NELL1: variants seen among roughly 807,000 people sequenced by gnomAD.
NELL1 encodes protein kinase C-binding protein NELL1.
In NELL1, 76 loss-of-function variants were observed where a neutral mutation model predicts 107.4. The ratio of observed to expected loss-of-function variants is 0.71; its 90% CI spans 0.59 to 0.86. NELL1 has a LOEUF of 0.86. Ranked by LOEUF, NELL1 falls within the 40% of genes least tolerant of loss-of-function variation. NELL1 has a pLI of 0.00. For synonymous variants in NELL1, 353 were observed against 341.2 expected, an observed-to-expected ratio of 1.03 and a Z score of -0.38; for missense variants, 1,024 against 1,005.5, an observed-to-expected ratio of 1.02 and a Z score of -0.25.
At chr11:21,069,334 A>C (rs1262945433) in intron 12 of NELL1, among the ~76,000 whole-genome samples, 1 of 152,168 alleles carries the variant, frequency 6.6e-6, no homozygotes, top group Non-Finnish European at 1.5e-5. Context: ...TTGTTCTTCA[A>C]CTCTTTTGAA....
At chr11:21,258,781 A>G (rs1340744693) in intron 14 of NELL1, among the ~76,000 whole-genome samples, 5 of 152,006 alleles carry the variant, frequency 3.3e-5, no homozygotes, top group Non-Finnish European at 5.9e-5. Context: ...TAACCATCAT[A>G]CTTACACTTT....
intron 13 of NELL1, among the ~76,000 whole-genome samples, chr11:21,185,726 G>T (rs1856921846): frequency 6.6e-6 from 1 of 151,786 alleles, no homozygotes; most frequent in Non-Finnish European, 1.5e-5. Context: ...TGGGTATAAA[G>T]CTCTTAGTGC....
intron 9 of NELL1, among the ~76,000 whole-genome samples, chr11:20,931,703 A>T (rs1473937727): frequency 6.6e-6 from 1 of 152,182 alleles, no homozygotes; most frequent in Non-Finnish European, 1.5e-5. Flanking sequence ...TAATCCATTC[A>T]CATTTAATGT....
At position 21,048,864 on chromosome 11, in the gene NELL1, C is replaced by CA. The variant is rs536761651; in HGVS notation, c.1301-64724dup. 2.7e-4 allele frequency among the ~76,000 whole-genome samples: 41 copies of CA among 152,250 alleles called. No homozygotes were observed. The South Asian group carries it at 8.5e-3, about 32-fold the overall frequency. On this transcript the variant is annotated intron_variant, in intron 12 of 19. Transcript: ENST00000357134. ...CCCTTTATTGTTCCAGCTGGCAAGA[C>CA]AGAGCTCAGTGCTGCTGAGAGTCTC...
chr11:21,206,997 T>G (rs1397078427), intron 13 of NELL1, among the ~76,000 whole-genome samples: 1 of 152,184 alleles, frequency 6.6e-6, no homozygotes, highest in Non-Finnish European at 1.5e-5. Context: ...ACGTGACCAT[T>G]ACATAAAACC....
chr11:21,441,381 G>GTT (rs1853281770), intron 15 of NELL1, among the ~76,000 whole-genome samples: 2 of 123,330 alleles, frequency 1.6e-5, no homozygotes, highest in African/African-American at 3.0e-5. Flanking sequence ...GTGTGTGTGT[G>GTT]TTCTATGATA....
chr11:20,752,932 GC>G (rs2133947223), intron 2 of NELL1, among the ~76,000 whole-genome samples: 1 of 152,244 alleles, frequency 6.6e-6, no homozygotes, highest in African/African-American at 2.4e-5. Flanking sequence ...AAAAATGGGT[GC>G]TGTGCTTGAA....
intron 1 of NELL1, among the ~76,000 whole-genome samples, chr11:20,672,744 C>T (rs1200518332): frequency 6.6e-6 from 1 of 152,116 alleles, no homozygotes; most frequent in Admixed American, 6.5e-5. Context: ...CATTGCTTTC[C>T]AGTTTGTTTT....
chr11:21,532,972 T>C (rs1856030806), intron 15 of NELL1, among the ~76,000 whole-genome samples: 1 of 152,182 alleles, frequency 6.6e-6, no homozygotes, highest in South Asian at 2.1e-4. Flanking sequence ...ATTGGAAATT[T>C]ATTTTCTGGG....
At chr11:21,358,996 A>G (rs1338048844) in intron 14 of NELL1, among the ~76,000 whole-genome samples, 1 of 152,108 alleles carries the variant, frequency 6.6e-6, no homozygotes, top group Non-Finnish European at 1.5e-5. Context: ...TGGTCTAGCT[A>G]GGACTTCCGG....
At chr11:21,342,669 AAG>A (rs1444703845) in intron 14 of NELL1, among the ~76,000 whole-genome samples, 3 of 146,680 alleles carry the variant, frequency 2.0e-5, no homozygotes, top group Non-Finnish European at 3.0e-5. Context: ...GAAAAAGAAA[AAG>A]AAAAGAAAGA....
At chr11:20,927,116 C>T in intron 7 of NELL1, 192 bp from the exon 8 acceptor site, 1 of 541,144 alleles carries the variant, frequency 1.8e-6, no homozygotes, top group Non-Finnish European at 3.2e-6. Flanking sequence ...GCCAATATTT[C>T]TTCAATTTAG....
At chr11:20,679,104 T>C (rs1014412568) in intron 2 of NELL1, among the ~76,000 whole-genome samples, 1 of 152,176 alleles carries the variant, frequency 6.6e-6, no homozygotes, top group Non-Finnish European at 1.5e-5. Flanking sequence ...TTGTCAGAGC[T>C]GATATTCTGC....
intron 14 of NELL1, among the ~76,000 whole-genome samples, chr11:21,270,826 A>G (rs1848724346): frequency 6.6e-6 from 1 of 152,182 alleles, no homozygotes; most frequent in Non-Finnish European, 1.5e-5. Context: ...ATCATACAAT[A>G]TCTGCATTCA....
chr11:20,838,691 A>G (rs1374881761), intron 3 of NELL1, among the ~76,000 whole-genome samples: 1 of 152,134 alleles, frequency 6.6e-6, no homozygotes, highest in East Asian at 1.9e-4. Flanking sequence ...AATTTAGAAA[A>G]CTGAAGATTA....
intron 7 of NELL1, 136 bp downstream of exon 7, chr11:20,919,470 C>T (rs1030768920): frequency 1.1e-5 from 6 of 562,788 alleles, no homozygotes; most frequent in Non-Finnish European, 1.6e-5. Flanking sequence ...TTTATTCTTA[C>T]TCAAAATAGG....
intron 16 of NELL1, among the ~76,000 whole-genome samples, chr11:21,552,593 T>G (rs115055024): frequency 0.014 from 2,158 of 151,944 alleles, 43 homozygotes; most frequent in African/African-American, 0.05. Flanking sequence ...CCTTTTCCCT[T>G]GTCCCCAGAA....
intron 17 of NELL1, among the ~76,000 whole-genome samples, chr11:21,562,057 G>A (rs1041121067): frequency 6.6e-5 from 10 of 152,016 alleles, no homozygotes; most frequent in African/African-American, 2.2e-4. Context: ...TCCTTTTTGG[G>A]CTTTCTAGGT....
intron 5 of NELL1, among the ~76,000 whole-genome samples, chr11:20,912,208 G>A (rs1238448629): frequency 1.3e-5 from 2 of 152,116 alleles, no homozygotes; most frequent in Non-Finnish European, 2.9e-5. Flanking sequence ...GCAAAAAAAA[G>A]TGCTGCTGAT....
Sources: allele counts gnomAD v4.1 joint callset (sites outside exome capture counted in the v4.1 genomes callset), GRCh38; gene constraint gnomAD v4.1.1; transcripts MANE v1.5; gene names NCBI Gene and HGNC (gene_info 2026-07-23, HGNC 2026-07-21).